The following CBL variants were observed in gnomAD, a reference collection of about 807,000 sequenced individuals.
CBL encodes the protein Cbl proto-oncogene, also known as E3 ubiquitin-protein ligase CBL.
In CBL, 45 loss-of-function variants were observed where a neutral mutation model predicts 96.9. The ratio of observed to expected loss-of-function variants is 0.46; its 90% CI spans 0.37 to 0.60. The LOEUF (loss-of-function observed/expected upper bound fraction) is 0.60, where lower values mean the gene tolerates loss of function less well. Ranked by LOEUF, CBL falls within the 20% of genes least tolerant of loss-of-function variation. The pLI, the probability that CBL is intolerant of heterozygous loss-of-function variation, is 0.00. For missense variants in CBL, 1,024 were observed against 1,143.5 expected (o/e 0.90, Z 1.51); for synonymous variants, 420 against 426.8 (o/e 0.98, Z 0.20).
intron 1 of CBL, among the ~76,000 whole-genome samples, chr11:119,231,575 G>A (rs934506158): frequency 1.8e-4 from 28 of 151,872 alleles, no homozygotes; most frequent in African/African-American, 6.1e-4. Context: ...GGGCATGGTG[G>A]TGCATGCCTA....
chr11:119,277,239 GCGCACACA>G (rs1279326197), intron 6 of CBL, among the ~76,000 whole-genome samples: 320 of 138,346 alleles, frequency 2.3e-3, no homozygotes, highest in Non-Finnish European at 4.0e-3. Flanking sequence ...AGAATCTGTC[GCGCACACA>G]CACACACACA....
rs1565870008 is a variant in CBL, at chr11:119,270,436, A to ATATT, written c.444-1298_444-1297insATTT. On this transcript the variant is annotated intron_variant, in intron 2 of 15. Coordinates refer to ENST00000264033, the MANE Select transcript of CBL (RefSeq NM_005188.4). ...AATTTTTATATATATATATATATAT[A>ATATT]TTTTTTTTTTTTTTTTTTTTTTTTT... Among the ~76,000 whole-genome samples the ATATT allele has an allele frequency of 5.6e-3, 218 of 38,692 alleles. 12 individuals carry two copies. The highest frequency in any genetic ancestry group is 0.025 in the Middle Eastern group (1 of 40). The allele number at this position is 38,692 out of a possible 152,430, so 25.4% of individuals were successfully genotyped here.
chr11:119,214,778 G>A (rs1307059902), intron 1 of CBL, among the ~76,000 whole-genome samples: 2 of 151,448 alleles, frequency 1.3e-5, no homozygotes, highest in African/African-American at 4.9e-5. Flanking sequence ...TCACCTTTTA[G>A]CTTCAGTTTA....
At chr11:119,245,431 A>C (rs1380400895) in intron 2 of CBL, among the ~76,000 whole-genome samples, 3 of 152,126 alleles carry the variant, frequency 2.0e-5, no homozygotes, top group African/African-American at 7.2e-5. Flanking sequence ...ACATGTTAAC[A>C]TAAAAAGTTT....
chr11:119,267,018 A>T (rs747199290), intron 2 of CBL, among the ~76,000 whole-genome samples: 1 of 152,202 alleles, frequency 6.6e-6, no homozygotes, highest in Non-Finnish European at 1.5e-5. Flanking sequence ...TCTGTATCAT[A>T]CCTCATTCTT....
intron 1 of CBL, among the ~76,000 whole-genome samples, chr11:119,228,871 C>T (rs1203503419): frequency 6.0e-5 from 9 of 151,206 alleles, no homozygotes; most frequent in African/African-American, 2.2e-4. Flanking sequence ...AGTGCAGTGG[C>T]GTGGTCTTGG....
rs770644035 is a variant in CBL, at chr11:119,278,676, A to T, written c.1394A>T (p.Asp465Val). The part of the protein sequence containing the change: ...YDDDDDERAD[D>V]TLFMMKELAG... ...GATGATGATGATGAACGAGCTGATG[A>T]TACTCTCTTCATGATGAAGGAATTG... Residue 465 changes from aspartate to valine, a missense_variant, in exon 9 of 16, where the codon GAT becomes GTT. Transcript: ENST00000264033. 8.7e-6 allele frequency: 14 copies of T among 1,613,930 alleles called. No homozygotes were observed. Among genetic ancestry groups the T allele is most frequent in the African/African-American group, 1.3e-5 (1 of 74,860 alleles).
chr11:119,223,049 G>A (rs182594505), intron 1 of CBL, among the ~76,000 whole-genome samples: 9 of 152,062 alleles, frequency 5.9e-5, no homozygotes, highest in African/African-American at 9.7e-5. Flanking sequence ...GTGTGGTGGC[G>A]TGTACCTGTA....
At chr11:119,277,901 T>G in intron 7 of CBL, 57 bp downstream of exon 7, 1 of 1,184,920 alleles carries the variant, frequency 8.4e-7, no homozygotes, top group Non-Finnish European at 1.3e-6. Context: ...AGTATATTCT[T>G]TATAGAACTG....
In CBL at chr11:119,300,657, A is replaced by C; in HGVS notation, c.*876A>C. On this transcript the variant is annotated 3_prime_UTR_variant, in exon 16 of 16. Coordinates refer to ENST00000264033, the MANE Select transcript of CBL (RefSeq NM_005188.4). ...CTATTAAGATGTTTTGATTATCCTA[A>C]TTACATAATGACCGATTTGAGATAG... 2.5e-6 allele frequency: 1 copy of C among 398,642 alleles called. No individual in the cohort carries two copies. Among genetic ancestry groups the C allele is most frequent in the Admixed American group, 4.4e-5 (1 of 22,730 alleles). 24.7% of individuals were successfully genotyped at this position (398,642 alleles called of 1,614,324 possible).
chr11:119,294,360 T>G (rs1950049332), intron 12 of CBL, among the ~76,000 whole-genome samples: 1 of 147,952 alleles, frequency 6.8e-6, no homozygotes. Flanking sequence ...ATCTGGGAAG[T>G]GGAGGTTGCA....
intron 11 of CBL, 74 bp from the exon 12 acceptor site, chr11:119,287,778 G>C (rs945788514): frequency 1.0e-6 from 1 of 958,244 alleles, no homozygotes; most frequent in African/African-American, 1.6e-5. Flanking sequence ...TTGTTATTTT[G>C]AAAAGGTTCA....
intron 5 of CBL, among the ~76,000 whole-genome samples, chr11:119,275,192 G>T (rs1050622546): frequency 6.6e-6 from 1 of 152,344 alleles, no homozygotes; most frequent in South Asian, 2.1e-4. Flanking sequence ...TGTCATCCCA[G>T]CACTTTGGGA....
At chr11:119,277,648 C>A (rs1949899879) in intron 6 of CBL, 109 bp from the exon 7 acceptor site, 2 of 734,744 alleles carry the variant, frequency 2.7e-6, no homozygotes, top group Non-Finnish European at 2.5e-6. Context: ...TTTATACTTA[C>A]ACCACGTTGC....
At chr11:119,248,165 C>T (rs1949646287) in intron 2 of CBL, among the ~76,000 whole-genome samples, 1 of 152,104 alleles carries the variant, frequency 6.6e-6, no homozygotes, top group African/African-American at 2.4e-5. Flanking sequence ...CTCAAATAGC[C>T]AAAACAATCT....
At chr11:119,211,002 TAAC>T (rs1476579881) in intron 1 of CBL, among the ~76,000 whole-genome samples, 10 of 152,258 alleles carry the variant, frequency 6.6e-5, no homozygotes, top group South Asian at 2.1e-4. Context: ...AGTGAGAGAT[TAAC>T]AACAACAATA....
chr11:119,219,840 C>A (rs1221992219), intron 1 of CBL, among the ~76,000 whole-genome samples: 1 of 143,318 alleles, frequency 7.0e-6, no homozygotes, highest in Non-Finnish European at 1.5e-5. Flanking sequence ...GGCACCACCA[C>A]GCCCGACTAT....
chr11:119,288,724 G>T (rs1226399128), intron 12 of CBL, among the ~76,000 whole-genome samples: 1 of 152,128 alleles, frequency 6.6e-6, no homozygotes, highest in Non-Finnish European at 1.5e-5. Context: ...TATATGAAAA[G>T]TTGGCCCTCC....
chr11:119,296,919 C>T lies in CBL; in HGVS notation c.2038C>T (p.Pro680Ser). ...TATTTTTTATTCTTCATCTTCCAGA[C>T]CTCTTCCTGTGCCAAAACTGCCACC... ...ANAIYSLAARPLPVPKLPPGE... is the reference protein window; with the variant it reads ...ANAIYSLAARSLPVPKLPPGE... The change falls in exon 13 of 16, where the codon CCT becomes TCT. Residue 680 changes from proline to serine, a missense_variant and splice_region_variant. Pro to Ser is a moderately conservative substitution (Grantham distance 74). Around this residue, in one of 4 missense-constraint regions of CBL, gnomAD observed 695 missense variants for 661.6 expected, o/e 1.05. Transcript: ENST00000264033. The T allele has an allele frequency of 6.7e-7, 1 of 1,500,594 alleles. No homozygotes were observed. Among genetic ancestry groups the T allele is most frequent in the Non-Finnish European group, 9.3e-7 (1 of 1,076,358 alleles). 93.0% of individuals were successfully genotyped at this position (1,500,594 alleles called of 1,614,324 possible).
Sources: allele counts gnomAD v4.1 joint callset (sites outside exome capture counted in the v4.1 genomes callset), GRCh38; gene constraint gnomAD v4.1.1; regional missense constraint gnomAD v4.1.1; transcripts MANE v1.5; gene names NCBI Gene and HGNC (gene_info 2026-07-23, HGNC 2026-07-21).